Variants in ENOX2 observed in about 807,000 individuals in gnomAD.
ENOX2 encodes ecto-NOX disulfide-thiol exchanger 2, also known as APK1 antigen.
In ENOX2, 36 loss-of-function variants were observed where a neutral mutation model predicts 45.0. The ratio of observed to expected loss-of-function variants is 0.80; its 90% CI spans 0.61 to 1.06. ENOX2 has a LOEUF of 1.06. Ranked by LOEUF, ENOX2 falls within the 50% of genes least tolerant of loss-of-function variation. The probability of loss-of-function intolerance (pLI) is 0.00; values close to 1 mark genes in which losing one functional copy is unlikely to be tolerated. For missense variants in ENOX2, 423 were observed against 462.5 expected, an observed-to-expected ratio of 0.91 and a Z score of 0.78; for synonymous variants, 174 against 152.3, an observed-to-expected ratio of 1.14 and a Z score of -1.05.
chrX:130,650,554 G>A (rs1157091988), intron 10 of ENOX2, among the ~76,000 whole-genome samples: 1 of 112,302 alleles, frequency 8.9e-6, no homozygotes, highest in Non-Finnish European at 1.9e-5. Flanking sequence ...CCAGAACATT[G>A]AAAAGTTCAA....
intron 3 of ENOX2, among the ~76,000 whole-genome samples, chrX:130,749,586 T>G (rs1173441020): frequency 9.0e-6 from 1 of 110,962 alleles, no homozygotes; most frequent in Non-Finnish European, 1.9e-5. Flanking sequence ...GCAATGATGT[T>G]CAGACTCAGT....
At chrX:130,803,674 TAAG>T (rs1452310512) in intron 2 of ENOX2, among the ~76,000 whole-genome samples, 1 of 111,055 alleles carries the variant, frequency 9.0e-6, no homozygotes, top group Non-Finnish European at 1.9e-5. Context: ...CAAACATATA[TAAG>T]AAGGTTAATG....
intron 3 of ENOX2, among the ~76,000 whole-genome samples, chrX:130,706,099 A>G (rs1338542864): frequency 8.9e-6 from 1 of 111,875 alleles, no homozygotes; most frequent in African/African-American, 3.3e-5. Flanking sequence ...TGATTTTCAC[A>G]TGTTTGCTCA....
intron 3 of ENOX2, among the ~76,000 whole-genome samples, chrX:130,774,078 C>G (rs868235982): frequency 8.9e-6 from 1 of 112,204 alleles, no homozygotes; most frequent in African/African-American, 3.2e-5. Flanking sequence ...ATTTACACAA[C>G]CACTTTACCA....
rs142880378 is a variant in ENOX2 at position 130,679,473 on chromosome X, C to T, written c.460+69G>A. 3.5e-4 allele frequency: 323 copies of T among 934,394 alleles called. 1 individual carries two copies. In the East Asian group the frequency reaches 9.4e-3, roughly 27 times the overall value. 77.0% of individuals were successfully genotyped at this position (934,394 alleles called of 1,213,427 possible). A position where few individuals can be genotyped will look rare whatever the true frequency, so the allele number is the denominator to read the frequency against. ...TAAGCCCAAACTTATCTGCTATAGA[C>T]ACAAATAGTTCTATCTTTAATATCT... On this transcript the variant is annotated intron_variant, in intron 6 of 14. Coordinates refer to ENST00000394363, the MANE Select transcript of ENOX2 (RefSeq NM_006375.4).
intron 3 of ENOX2, among the ~76,000 whole-genome samples, chrX:130,730,094 G>C (rs914131217): frequency 8.9e-6 from 1 of 112,146 alleles, no homozygotes; most frequent in Non-Finnish European, 1.9e-5. Flanking sequence ...CCAAATTTTG[G>C]TTCTGGCCCA....
chrX:130,696,086 C>A (rs1212695063), intron 4 of ENOX2, among the ~76,000 whole-genome samples: 1 of 111,952 alleles, frequency 8.9e-6, no homozygotes, highest in Non-Finnish European at 1.9e-5. Flanking sequence ...TGAGACAGGG[C>A]CTGGCTCATG....
At chrX:130,858,138 G>A (rs1159339805) in intron 2 of ENOX2, among the ~76,000 whole-genome samples, 2 of 101,187 alleles carry the variant, frequency 2.0e-5, no homozygotes, top group South Asian at 4.7e-4. Context: ...TTTTTTAGAC[G>A]GAGTCTTGCT....
intron 3 of ENOX2, among the ~76,000 whole-genome samples, chrX:130,775,932 T>C (rs2039846453): frequency 9.0e-6 from 1 of 111,481 alleles, no homozygotes. Flanking sequence ...TAAACAAATT[T>C]GGAAACTGAG....
intron 12 of ENOX2, among the ~76,000 whole-genome samples, chrX:130,633,971 G>A (rs898953504): frequency 4.5e-5 from 5 of 112,203 alleles, no homozygotes; most frequent in African/African-American, 1.6e-4. Context: ...TTTATGAAGT[G>A]GAAGAATTAA....
intron 3 of ENOX2, among the ~76,000 whole-genome samples, chrX:130,711,108 A>G (rs889622612): frequency 3.6e-5 from 4 of 112,032 alleles, no homozygotes; most frequent in African/African-American, 1.3e-4. Context: ...AAGGAATAAC[A>G]TTGTGTTTTC....
At chrX:130,758,531 G>A (rs1017925643) in intron 3 of ENOX2, among the ~76,000 whole-genome samples, 1 of 112,243 alleles carries the variant, frequency 8.9e-6, no homozygotes, top group African/African-American at 3.2e-5. Flanking sequence ...AAGGACATCT[G>A]GGTTGTTCGT....
At chrX:130,705,727 C>G (rs1450791592) in intron 3 of ENOX2, among the ~76,000 whole-genome samples, 1 of 111,435 alleles carries the variant, frequency 9.0e-6, no homozygotes, top group African/African-American at 3.3e-5. Flanking sequence ...GAAGGGCTCC[C>G]TGGCAGAGCC....
At chrX:130,760,689 G>A (rs1262264615) in intron 3 of ENOX2, among the ~76,000 whole-genome samples, 1 of 103,222 alleles carries the variant, frequency 9.7e-6, no homozygotes, top group African/African-American at 3.5e-5. Flanking sequence ...GGGAGCCTGA[G>A]GTGGAAGAAT....
intron 2 of ENOX2, among the ~76,000 whole-genome samples, chrX:130,870,635 A>C (rs1230927584): frequency 1.8e-5 from 2 of 111,367 alleles, no homozygotes; most frequent in East Asian, 5.8e-4. Context: ...GAAAGTACAA[A>C]GGTGAGGAAG....
intron 2 of ENOX2, among the ~76,000 whole-genome samples, chrX:130,824,572 A>G (rs1403899853): frequency 1.8e-5 from 2 of 111,857 alleles, no homozygotes. Flanking sequence ...ATTCCAGTAA[A>G]ATTAAAAGGG....
chrX:130,632,473 C>T (rs778240541), intron 12 of ENOX2, among the ~76,000 whole-genome samples: 6 of 106,015 alleles, frequency 5.7e-5, no homozygotes, highest in South Asian at 4.4e-4. Context: ...TCTTTGGGTA[C>T]GGAGAATATC....
chrX:130,859,265 G>C (rs1037804409), intron 2 of ENOX2, among the ~76,000 whole-genome samples: 14 of 112,148 alleles, frequency 1.2e-4, no homozygotes, highest in African/African-American at 4.5e-4. Context: ...CCGGGAGGCG[G>C]AGGTTGCAGC....
rs2038122711 is a variant in ENOX2, at chrX:130,709,403, C to T, written c.-38-6149G>A. 18 of 691,338 alleles carry T rather than the reference C, an allele frequency of 2.6e-5. No individual in the cohort carries two copies. The South Asian group carries it at 2.8e-4, about 11-fold the overall frequency. 57.0% of individuals were successfully genotyped at this position (691,338 alleles called of 1,213,427 possible). A position where few individuals can be genotyped will look rare whatever the true frequency, so the allele number is the denominator to read the frequency against. On this transcript the variant is annotated intron_variant, in intron 3 of 14. Transcript: ENST00000394363. Reference sequence around the variant, plus strand: ...TTGTAAATCCCAGCACTTTGGGAGGCGGAGGTGGGTGGATCATTTGAGGTC... The same window carrying T: ...TTGTAAATCCCAGCACTTTGGGAGGTGGAGGTGGGTGGATCATTTGAGGTC...
Sources: gnomAD v4.1 joint callset for allele counts (sites outside exome capture counted in the v4.1 genomes callset) on GRCh38, gnomAD v4.1.1 for gene constraint, MANE v1.5 for transcripts, NCBI Gene and HGNC (gene_info 2026-07-23, HGNC 2026-07-21) for gene names.